The following ZMYND15 variants were observed in gnomAD, a reference collection of about 807,000 sequenced individuals.
The protein encoded by ZMYND15 is zinc finger MYND domain-containing protein 15.
ZMYND15 carries 54 observed loss-of-function variants against 81.7 expected under a neutral mutation model. The observed-to-expected ratio is 0.66, with a 90% CI of 0.53 to 0.83. The LOEUF (loss-of-function observed/expected upper bound fraction) is 0.83. ZMYND15 is among the 40% of genes least tolerant of loss of function. The pLI is 0.00. For missense variants in ZMYND15, 925 were observed against 973.5 expected (o/e 0.95, Z 0.66); for synonymous variants, 399 against 387.0 (o/e 1.03, Z -0.36).
At position 4,743,835 on chromosome 17, in the gene ZMYND15, C is replaced by T. The variant is rs778496948; in HGVS notation, c.1366C>T (p.Arg456Trp). The T allele has an allele frequency of 3.7e-6, 6 of 1,613,806 alleles. No individual in the cohort carries two copies. Among genetic ancestry groups the T allele is most frequent in the African/African-American group, 2.7e-5 (2 of 74,884 alleles). Reference protein sequence around the residue: ...LMPPVPPHPPRGVFGSWQDYY... With the variant: ...LMPPVPPHPPWGVFGSWQDYY... ...GCCTCCTGTGCCCCCACATCCACCC[C>T]GGGGTGTTTTTGGTGAGCTGGAGGG... Residue 456 changes from arginine to tryptophan, a missense_variant, in exon 7 of 14, where the codon CGG becomes TGG. Coordinates refer to ENST00000433935, the MANE Select transcript of ZMYND15 (RefSeq NM_001136046.3). This position sits in a 1 kb window ranked among gnomAD's most constrained non-coding sequence, Gnocchi z 4.3.
chr17:4,740,284 T>A, intron 1 of ZMYND15: 1 of 704,556 alleles, frequency 1.4e-6, no homozygotes, highest in Non-Finnish European at 2.0e-6. Context: ...CCAAATACCA[T>A]CTCATCCCTG....
In ZMYND15 at chr17:4,743,668, C is replaced by T. The variant is rs144072488; in HGVS notation, c.1298-99C>T. The T allele has an allele frequency of 3.2e-4, 430 of 1,334,110 alleles. 6 individuals carry two copies. In the South Asian group the frequency reaches 4.6e-3, roughly 14 times the overall value. The allele number at this position is 1,334,110 out of a possible 1,614,324, so 82.6% of individuals were successfully genotyped here. On this transcript the variant is annotated intron_variant, in intron 6 of 13. Coordinates refer to ENST00000433935, the MANE Select transcript of ZMYND15 (RefSeq NM_001136046.3). The surrounding 1 kb of genome is among the most constrained non-coding windows in gnomAD (Gnocchi z 4.3). ...ATGCAAACCCCCATTCCTCTTACTG[C>T]GGCTGTCTCAGGGAATACAGCCCCT... is the stretch of plus-strand genomic sequence containing the variant.
At position 4,744,961 on chromosome 17, in the gene ZMYND15, C is replaced by A. The variant is rs368393785; in HGVS notation, c.1896+33C>A. 5.8e-5 allele frequency: 93 copies of A among 1,613,280 alleles called. No individual in the cohort carries two copies. The Middle Eastern group carries it at 8.3e-4, about 14-fold the overall frequency. On this transcript the variant is annotated intron_variant, in intron 12 of 13. Coordinates refer to ENST00000433935, the MANE Select transcript of ZMYND15 (RefSeq NM_001136046.3). The surrounding 1 kb of genome is among the most constrained non-coding windows in gnomAD (Gnocchi z 4.1). ...ATGGGGGCAAAAGGGAACTTCTCTC[C>A]CCTCCTGCCTGGCCCCTCCCCATCT...
Position 4,740,840 on chromosome 17 carries a change from C to A in ZMYND15, c.292C>A (p.Arg98=). ...GGGAGACAACCCTCCACTCCACCTGCGAGACCTGAGCCCCTACATCAGCTT... is the reference window on the plus strand; with the variant it reads ...GGGAGACAACCCTCCACTCCACCTGAGAGACCTGAGCCCCTACATCAGCTT... ...LLGDNPPLHL[R]DLSPYISFVS... is the part of the protein sequence containing the mutation. The change falls in exon 2 of 14, where the codon CGA becomes AGA. Residue 98 remains arginine, a synonymous_variant. Coordinates refer to ENST00000433935, the MANE Select transcript of ZMYND15 (RefSeq NM_001136046.3). The A allele has an allele frequency of 6.3e-7, 1 of 1,578,648 alleles. No homozygotes were observed. Among genetic ancestry groups the A allele is most frequent in the Non-Finnish European group, 8.6e-7 (1 of 1,159,396 alleles).
intron 2 of ZMYND15, 66 bp downstream of exon 2, chr17:4,741,206 C>T: frequency 7.2e-7 from 1 of 1,381,720 alleles, no homozygotes; most frequent in Non-Finnish European, 9.4e-7. Flanking sequence ...AAGCCCTCCC[C>T]TGCCACTAGT....
chr17:4,741,901 C>T lies in ZMYND15; in HGVS notation c.828-14C>T, dbSNP rs148386970. On this transcript the variant is annotated splice_polypyrimidine_tract_variant and intron_variant, in intron 3 of 13. Transcript: ENST00000433935. ...CCTCCAGCCTGATGCCATCTCCCCC[C>T]CAACTGCATTTAGAGAGCTGGAGAG... is the stretch of plus-strand genomic sequence containing the variant. 2.3e-5 allele frequency: 37 copies of T among 1,612,098 alleles called. No homozygotes were observed. Among genetic ancestry groups the T allele is most frequent in the South Asian group, 1.5e-4 (14 of 90,932 alleles).
chr17:4,741,022 A>C lies in ZMYND15; in HGVS notation c.474A>C (p.Thr158=), dbSNP rs1219598757. 3.9e-6 allele frequency: 6 copies of C among 1,554,034 alleles called. No homozygotes were observed. The South Asian group carries it at 7.1e-5, about 18-fold the overall frequency. ...CCAGCAGGGAGTCCCCCCAGGAAAC[A>C]AACCCTCCAGGAGAGTCAGAGGAGG... ...APTSRESPQE[T]NPPGESEEAA... Residue 158 remains threonine, a synonymous_variant, in exon 2 of 14, where the codon ACA becomes ACC. Transcript: ENST00000433935.
Position 4,741,622 on chromosome 17 carries a change from G to A in ZMYND15, c.633G>A (p.Thr211=), listed in dbSNP as rs777941854. 3.2e-5 allele frequency: 52 copies of A among 1,613,926 alleles called. No individual in the cohort carries two copies. The highest frequency in any genetic ancestry group is 9.9e-5 in the South Asian group (9 of 91,068). ...ACGTTTCCTGTCTCTTACTTGTGACGGATGAGCATGGCACCATCTTGGGCA... is the reference window on the plus strand; with the variant it reads ...ACGTTTCCTGTCTCTTACTTGTGACAGATGAGCATGGCACCATCTTGGGCA... ...PLHVSCLLLV[T]DEHGTILGID... The change falls in exon 3 of 14, where the codon ACG becomes ACA. Residue 211 remains threonine (T), a synonymous_variant. Coordinates refer to ENST00000433935, the MANE Select transcript of ZMYND15 (RefSeq NM_001136046.3).
chr17:4,740,751 G>A lies in ZMYND15; in HGVS notation c.203G>A (p.Gly68Asp). ...VLHVLPNHSV[G>D]ISLGQGAEPG... is the part of the protein sequence containing the mutation. ...CATGTCCTGCCCAACCATAGTGTGGGCATCAGCCTGGGGCAAGGGGCAGAA... is the reference window on the plus strand; with the variant it reads ...CATGTCCTGCCCAACCATAGTGTGGACATCAGCCTGGGGCAAGGGGCAGAA... Residue 68 changes from glycine (G) to aspartate (D), a missense_variant, in exon 2 of 14, where the codon GGC (glycine) becomes GAC (aspartate). Transcript: ENST00000433935. 3 of 1,603,440 alleles carry A rather than the reference G, an allele frequency of 1.9e-6. No individual in the cohort carries two copies. Among genetic ancestry groups the A allele is most frequent in the South Asian group, 1.1e-5 (1 of 90,510 alleles).
Position 4,743,636 on chromosome 17 carries a change from C to A in ZMYND15, c.1298-131C>A. ...CCCTACCAACTCCACCCAGAAACCC[C>A]ATCCCTATGCAAACCCCCATTCCTC... On this transcript the variant is annotated intron_variant, in intron 6 of 13. Coordinates refer to ENST00000433935, the MANE Select transcript of ZMYND15 (RefSeq NM_001136046.3). The surrounding 1 kb of genome is among the most constrained non-coding windows in gnomAD (Gnocchi z 4.3). 1 of 1,264,096 alleles carries A rather than the reference C, an allele frequency of 7.9e-7. No individual in the cohort carries two copies. 78.3% of individuals were successfully genotyped at this position (1,264,096 alleles called of 1,614,324 possible).
chr17:4,745,933 C>T lies in ZMYND15; in HGVS notation c.2172C>T (p.Pro724=). 6.7e-7 allele frequency: 1 copy of T among 1,489,000 alleles called. No homozygotes were observed. The highest frequency in any genetic ancestry group is 8.9e-7 in the Non-Finnish European group (1 of 1,124,376). The allele number at this position is 1,489,000 out of a possible 1,614,324, so 92.2% of individuals were successfully genotyped here. A position where few individuals can be genotyped will look rare whatever the true frequency, so the allele number is the denominator to read the frequency against. ...PSPTPSAPPA[P]TRRRRGEKKP... ...CAACTCCCTCTGCTCCTCCTGCCCC[C>T]ACCCGAAGGCGCCGAGGAGAAAAGA... is the stretch of plus-strand genomic sequence containing the variant. Residue 724 remains proline (P), a synonymous_variant, in exon 14 of 14, where the codon CCC becomes CCT. Transcript: ENST00000433935. This position sits in a 1 kb window ranked among gnomAD's most constrained non-coding sequence, Gnocchi z 5.2.
rs1461281074 is a variant in ZMYND15, at chr17:4,745,810, C to T, written c.2058-9C>T. On this transcript the variant is annotated splice_polypyrimidine_tract_variant and intron_variant, in intron 13 of 13. Coordinates refer to ENST00000433935, the MANE Select transcript of ZMYND15 (RefSeq NM_001136046.3). This position sits in a 1 kb window ranked among gnomAD's most constrained non-coding sequence, Gnocchi z 5.2. ...CCGTGGTCCCTGACTGCGCCCCGCG[C>T]CCCCGCAGGTACTGCAATGCCTTCA... The T allele has an allele frequency of 9.4e-6, 15 of 1,589,110 alleles. No individual in the cohort carries two copies. Among genetic ancestry groups the T allele is most frequent in the South Asian group, 4.5e-5 (4 of 89,488 alleles).
chr17:4,740,177 TC>T, intron 1 of ZMYND15, 127 bp downstream of exon 1: 1 of 728,618 alleles, frequency 1.4e-6, no homozygotes, highest in Non-Finnish European at 1.7e-6. Flanking sequence ...AATGCTTCCC[TC>T]CCCACCAAAC....
In ZMYND15 at chr17:4,746,058, AG is replaced by A; in HGVS notation, c.*73del. The A allele has an allele frequency of 7.3e-7, 1 of 1,362,568 alleles. No homozygotes were observed. Among genetic ancestry groups the A allele is most frequent in the East Asian group, 3.0e-5 (1 of 32,816 alleles). 84.4% of individuals were successfully genotyped at this position (1,362,568 alleles called of 1,614,324 possible). ...GAAAACGTGAAAACACTCAAGGCCTAGGGGGAGGACAGGTTGGTAAAACATG... is the reference window on the plus strand; with the variant it reads ...GAAAACGTGAAAACACTCAAGGCCTAGGGGAGGACAGGTTGGTAAAACATG... On this transcript the variant is annotated 3_prime_UTR_variant, in exon 14 of 14. Transcript: ENST00000433935.
chr17:4,744,632 T>C lies in ZMYND15; in HGVS notation c.1691T>C (p.Leu564Pro). The change falls in exon 11 of 14, where the codon CTG (leucine) becomes CCG (proline). Residue 564 changes from leucine to proline, a missense_variant. Physicochemically the swap from Leu to Pro is moderately conservative, Grantham distance 98 (BLOSUM62 -3). Transcript: ENST00000433935. The surrounding 1 kb of genome is among the most constrained non-coding windows in gnomAD (Gnocchi z 4.1). ...EQHFTLQRDS[L>P]EVSVRPGSGI... ...ACTCCTGGGGCCCCTCAGGACAGCC[T>C]GGAGGTGTCTGTCCGGCCTGGTTCC... The C allele has an allele frequency of 6.2e-7, 1 of 1,612,428 alleles. No individual in the cohort carries two copies. Among genetic ancestry groups the C allele is most frequent in the Non-Finnish European group, 8.5e-7 (1 of 1,179,820 alleles).
Position 4,739,917 on chromosome 17 carries a change from C to G in ZMYND15, c.-164C>G. ...CGCGCGCACCTGCGGGGCAGCCACC[C>G]GCGGACGCACCGAGCCCGGGGGGCG... On this transcript the variant is annotated 5_prime_UTR_variant, in exon 1 of 14. Coordinates refer to ENST00000433935, the MANE Select transcript of ZMYND15 (RefSeq NM_001136046.3). This position sits in a 1 kb window ranked among gnomAD's most constrained non-coding sequence, Gnocchi z 5.3. The G allele has an allele frequency of 1.0e-6, 1 of 985,328 alleles. No homozygotes were observed. The highest frequency in any genetic ancestry group is 1.2e-6 in the Non-Finnish European group (1 of 829,998). 61.0% of individuals were successfully genotyped at this position (985,328 alleles called of 1,614,324 possible).
chr17:4,740,781 G>A lies in ZMYND15; in HGVS notation c.233G>A (p.Gly78Asp). The A allele has an allele frequency of 6.3e-7, 1 of 1,595,732 alleles. No individual in the cohort carries two copies. The highest frequency in any genetic ancestry group is 8.6e-7 in the Non-Finnish European group (1 of 1,167,444). ...GISLGQGAEP[G>D]PGPGLGTAWL... ...AGCCTGGGGCAAGGGGCAGAACCAG[G>A]TCCTGGACCAGGCCTGGGGACTGCC... Residue 78 changes from glycine to aspartate, a missense_variant, in exon 2 of 14, where the codon GGT becomes GAT. Transcript: ENST00000433935.
At chr17:4,742,976 A>G (rs1567698838) in intron 5 of ZMYND15, among the ~76,000 whole-genome samples, 3 of 152,054 alleles carry the variant, frequency 2.0e-5, no homozygotes, top group Non-Finnish European at 1.5e-5. Flanking sequence ...CTGGGGTTCT[A>G]GGCCGGGCAA....
chr17:4,744,186 C>T lies in ZMYND15; in HGVS notation c.1496-4C>T, dbSNP rs1432884659. The T allele has an allele frequency of 6.2e-7, 1 of 1,614,042 alleles. No individual in the cohort carries two copies. The highest frequency in any genetic ancestry group is 1.7e-5 in the Admixed American group (1 of 60,006). On this transcript the variant is annotated splice_polypyrimidine_tract_variant and splice_region_variant and intron_variant, in intron 8 of 13. Transcript: ENST00000433935. The surrounding 1 kb of genome is among the most constrained non-coding windows in gnomAD (Gnocchi z 4.1). ...CATCCTTAAAGCGCTGGTTTTTCAC[C>T]CAGTCCCTGAGCTCAACATCCAAAA...
Sources: allele counts gnomAD v4.1 joint callset (sites outside exome capture counted in the v4.1 genomes callset), GRCh38; gene constraint gnomAD v4.1.1; non-coding constraint Gnocchi (gnomAD v3.1); transcripts MANE v1.5; gene names NCBI Gene and HGNC (gene_info 2026-07-23, HGNC 2026-07-21).